The following NCALD variants were observed in gnomAD, a reference collection of about 807,000 sequenced individuals.
NCALD encodes the protein neurocalcin delta, also known as neurocalcin-delta.
NCALD carries 10 observed loss-of-function variants against 18.6 expected under a neutral mutation model. That is an observed-to-expected ratio of 0.54 (90% CI 0.33 to 0.91). The LOEUF (loss-of-function observed/expected upper bound fraction) is 0.91, where lower values mean the gene tolerates loss of function less well. Among genes scored for constraint, NCALD ranks in the 40% least tolerant of loss-of-function variants. NCALD has a pLI of 0.03. For synonymous variants in NCALD, 88 were observed against 87.4 expected (o/e 1.01, Z -0.04); for missense variants, 184 against 247.6 (o/e 0.74, Z 1.72).
intron 1 of NCALD, among the ~76,000 whole-genome samples, chr8:101,729,837 C>T (rs993471678): frequency 2.0e-5 from 3 of 152,086 alleles, no homozygotes; most frequent in Non-Finnish European, 4.4e-5. Flanking sequence ...TTTTATTTTT[C>T]ATAAAGTGCA....
intron 2 of NCALD, among the ~76,000 whole-genome samples, chr8:101,941,546 A>T (rs901206220): frequency 6.6e-6 from 1 of 152,250 alleles, no homozygotes; most frequent in African/African-American, 2.4e-5. Flanking sequence ...CACTATATGT[A>T]TATAAACTAG....
chr8:101,985,000 A>G (rs1820751792), intron 2 of NCALD, among the ~76,000 whole-genome samples: 1 of 152,186 alleles, frequency 6.6e-6, no homozygotes, highest in African/African-American at 2.4e-5. Flanking sequence ...AGAGTCAGGG[A>G]CATGGATTTT....
intron 2 of NCALD, among the ~76,000 whole-genome samples, chr8:101,969,158 T>C (rs1434649544): frequency 6.6e-6 from 1 of 152,226 alleles, no homozygotes; most frequent in East Asian, 1.9e-4. Context: ...CAGAACCATT[T>C]GTTCCTTGCA....
chr8:102,036,203 T>C (rs886639553), intron 1 of NCALD, among the ~76,000 whole-genome samples: 1 of 151,900 alleles, frequency 6.6e-6, no homozygotes, highest in African/African-American at 2.4e-5. Flanking sequence ...TCCCAGCTAC[T>C]CAGGGGGCTG....
At chr8:101,769,725 C>T (rs2130886989) in intron 1 of NCALD, among the ~76,000 whole-genome samples, 1 of 152,100 alleles carries the variant, frequency 6.6e-6, no homozygotes, top group South Asian at 2.1e-4. Context: ...AAAAACTCTT[C>T]CTAATTTTGA....
chr8:101,993,748 T>G (rs746480620), intron 2 of NCALD, among the ~76,000 whole-genome samples: 11 of 152,182 alleles, frequency 7.2e-5, no homozygotes, highest in Non-Finnish European at 1.5e-4. Flanking sequence ...GGACATAGAC[T>G]TCTTGAAGCA....
At chr8:101,903,401 T>C (rs1430161571) in intron 3 of NCALD, among the ~76,000 whole-genome samples, 1 of 152,102 alleles carries the variant, frequency 6.6e-6, no homozygotes, top group African/African-American at 2.4e-5. Flanking sequence ...TTCACCGTGT[T>C]GGCCAGGATG....
intron 2 of NCALD, among the ~76,000 whole-genome samples, chr8:101,995,568 C>A (rs1369155693): frequency 6.6e-6 from 1 of 151,988 alleles, no homozygotes; most frequent in Non-Finnish European, 1.5e-5. Flanking sequence ...GGGGAGGTGC[C>A]ACACACTTTT....
chr8:102,111,155 T>C (rs987880972), intron 1 of NCALD, among the ~76,000 whole-genome samples: 5 of 152,140 alleles, frequency 3.3e-5, no homozygotes, highest in Non-Finnish European at 7.4e-5. Context: ...TTGATAATTG[T>C]GAGGACAATG....
intron 3 of NCALD, among the ~76,000 whole-genome samples, chr8:101,894,783 A>G (rs1177446473): frequency 6.6e-6 from 1 of 150,950 alleles, no homozygotes; most frequent in African/African-American, 2.5e-5. Context: ...TAAATTCCTC[A>G]ACACATACAC....
intron 1 of NCALD, among the ~76,000 whole-genome samples, chr8:102,069,714 T>C (rs192061926): frequency 6.6e-6 from 1 of 152,366 alleles, no homozygotes; most frequent in East Asian, 1.9e-4. Context: ...ATTAAAATAA[T>C]GTAATTCTGT....
intron 3 of NCALD, among the ~76,000 whole-genome samples, chr8:101,914,617 CAGT>C (rs1414886115): frequency 6.6e-6 from 1 of 152,146 alleles, no homozygotes; most frequent in African/African-American, 2.4e-5. Flanking sequence ...GTATTTATAT[CAGT>C]ATAGATATGT....
At chr8:101,904,572 G>A (rs750622078) in intron 3 of NCALD, among the ~76,000 whole-genome samples, 7 of 151,930 alleles carry the variant, frequency 4.6e-5, no homozygotes, top group Admixed American at 1.3e-4. Flanking sequence ...CCATCTCCTG[G>A]GCTCCTTCCC....
chr8:102,090,349 G>T (rs1196933076), intron 1 of NCALD, among the ~76,000 whole-genome samples: 1 of 152,174 alleles, frequency 6.6e-6, no homozygotes, highest in Non-Finnish European at 1.5e-5. Context: ...ATCCACAGAT[G>T]ATTATTGTCT....
intron 2 of NCALD, among the ~76,000 whole-genome samples, chr8:101,707,867 CA>C (rs1200616475): frequency 1.3e-5 from 2 of 150,476 alleles, no homozygotes; most frequent in African/African-American, 4.9e-5. Flanking sequence ...AACTCCATCT[CA>C]AAAAATGGTA....
intron 4 of NCALD, among the ~76,000 whole-genome samples, chr8:101,831,588 G>C (rs1814188280): frequency 6.6e-6 from 1 of 152,140 alleles, no homozygotes; most frequent in East Asian, 1.9e-4. Flanking sequence ...AGACAGACTT[G>C]CTTTCCCCTA....
intron 1 of NCALD, among the ~76,000 whole-genome samples, chr8:101,779,628 A>G (rs543396277): frequency 6.6e-6 from 1 of 152,282 alleles, no homozygotes; most frequent in East Asian, 1.9e-4. Context: ...GACTTCATGA[A>G]CTATATTCCT....
chr8:101,849,784 A>G (rs976219727), intron 4 of NCALD, among the ~76,000 whole-genome samples: 2 of 152,198 alleles, frequency 1.3e-5, no homozygotes, highest in Non-Finnish European at 2.9e-5. Context: ...AACTTCTTTT[A>G]TCTTTGCTGC....
chr8:101,753,306 G>T (rs1810736187), intron 1 of NCALD, among the ~76,000 whole-genome samples: 1 of 152,232 alleles, frequency 6.6e-6, no homozygotes. Flanking sequence ...CAAGAGCGTA[G>T]ATGGGAGATA....
Sources: gnomAD v4.1 joint callset for allele counts (sites outside exome capture counted in the v4.1 genomes callset) on GRCh38, gnomAD v4.1.1 for gene constraint, MANE v1.5 for transcripts, NCBI Gene and HGNC (gene_info 2026-07-23, HGNC 2026-07-21) for gene names.